FYN: variants seen among roughly 807,000 people sequenced by gnomAD.
FYN encodes the protein tyrosine-protein kinase Fyn.
FYN carries 10 observed loss-of-function variants against 70.2 expected under a neutral mutation model. That is an observed-to-expected ratio of 0.14 (90% CI 0.09 to 0.24). FYN has a LOEUF of 0.24. Among genes scored for constraint, FYN ranks in the 10% least tolerant of loss-of-function variants. FYN has a pLI of 1.00. For missense variants in FYN, 319 were observed against 673.1 expected, an observed-to-expected ratio of 0.47 and a Z score of 5.82; for synonymous variants, 236 against 248.6, an observed-to-expected ratio of 0.95 and a Z score of 0.48.
At chr6:111,863,609 C>T (rs768988929) in intron 1 of FYN, among the ~76,000 whole-genome samples, 10 of 152,140 alleles carry the variant, frequency 6.6e-5, no homozygotes, top group Non-Finnish European at 1.2e-4. Flanking sequence ...CATTAAAGCC[C>T]TACTTTTCAA....
At chr6:111,862,314 C>G (rs527928713) in intron 1 of FYN, among the ~76,000 whole-genome samples, 2 of 152,194 alleles carry the variant, frequency 1.3e-5, no homozygotes, top group South Asian at 4.1e-4. Flanking sequence ...CTCAAGATTA[C>G]AAACAAAAAA....
intron 2 of FYN, among the ~76,000 whole-genome samples, chr6:111,807,965 A>G (rs1013464002): frequency 6.6e-6 from 1 of 151,986 alleles, no homozygotes; most frequent in Non-Finnish European, 1.5e-5. Flanking sequence ...AAAATTAGCC[A>G]GGTGTGGTGG....
chr6:111,781,605 G>C (rs1771176074), intron 2 of FYN, among the ~76,000 whole-genome samples: 1 of 152,052 alleles, frequency 6.6e-6, no homozygotes, highest in South Asian at 2.1e-4. Context: ...ATGCTGTAAC[G>C]CCCAGAGGCC....
chr6:111,853,179 G>A (rs1407677406), intron 1 of FYN, among the ~76,000 whole-genome samples: 8 of 152,144 alleles, frequency 5.3e-5, no homozygotes, highest in Non-Finnish European at 8.8e-5. Context: ...GGTGGGGAGG[G>A]GCTGGAAGAC....
intron 3 of FYN, among the ~76,000 whole-genome samples, chr6:111,764,266 A>T (rs1184221513): frequency 6.6e-6 from 1 of 151,564 alleles, no homozygotes; most frequent in Non-Finnish European, 1.5e-5. Flanking sequence ...GAAAAAAGAA[A>T]AAAGCGATTT....
At chr6:111,794,101 C>T (rs892400046) in intron 2 of FYN, among the ~76,000 whole-genome samples, 3 of 152,230 alleles carry the variant, frequency 2.0e-5, no homozygotes, top group East Asian at 1.9e-4. Flanking sequence ...TGCCACTGAG[C>T]TGCTCTCCTC....
chr6:111,718,523 A>G (rs1023847881), intron 4 of FYN, among the ~76,000 whole-genome samples: 2 of 152,194 alleles, frequency 1.3e-5, no homozygotes, highest in Non-Finnish European at 2.9e-5. Flanking sequence ...GCACTCGTGA[A>G]TGAATGAACA....
chr6:111,735,140 G>C (rs143503298), intron 3 of FYN, among the ~76,000 whole-genome samples: 1 of 152,206 alleles, frequency 6.6e-6, no homozygotes, highest in Admixed American at 6.5e-5. Flanking sequence ...TCAAAGAACC[G>C]TAAGTGTTCT....
At chr6:111,788,999 T>G (rs776618163) in intron 2 of FYN, among the ~76,000 whole-genome samples, 4 of 152,118 alleles carry the variant, frequency 2.6e-5, no homozygotes, top group Non-Finnish European at 4.4e-5. Context: ...AGGTTGTGGT[T>G]GTTGTTTTAT....
chr6:111,668,000 G>A (rs1798086767), intron 13 of FYN, among the ~76,000 whole-genome samples: 1 of 152,322 alleles, frequency 6.6e-6, no homozygotes, highest in East Asian at 1.9e-4. Context: ...CGTTCAAAGG[G>A]AATCACACAA....
chr6:111,796,522 T>C (rs774045287), intron 2 of FYN, among the ~76,000 whole-genome samples: 24 of 152,218 alleles, frequency 1.6e-4, no homozygotes, highest in Admixed American at 1.4e-3. Flanking sequence ...CAAAATCACC[T>C]AATGATGCTT....
At position 111,704,089 on chromosome 6, in the gene FYN, T is replaced by G; in HGVS notation, c.457A>C (p.Lys153Gln). The G allele has an allele frequency of 1.2e-6, 2 of 1,614,052 alleles. No individual in the cohort carries two copies. The highest frequency in any genetic ancestry group is 1.7e-6 in the Non-Finnish European group (2 of 1,179,866). Residue 153 changes from lysine (K) to glutamine (Q), a missense_variant, in exon 7 of 14, where the codon AAA becomes CAA. By Grantham distance (53) the Lys-to-Gln change is moderately conservative. Coordinates refer to ENST00000354650, the MANE Select transcript of FYN (RefSeq NM_002037.5). ...SIQAEEWYFGKLGRKDAERQL... is the reference protein window; with the variant it reads ...SIQAEEWYFGQLGRKDAERQL... ...CGCTCAGCATCTTTTCGGCCAAGTTTTCCAAAGTACCACCTTTAAATTAGA... is the reference window on the plus strand; with the variant it reads ...CGCTCAGCATCTTTTCGGCCAAGTTGTCCAAAGTACCACCTTTAAATTAGA...
At chr6:111,865,631 C>A (rs1774083000) in intron 1 of FYN, among the ~76,000 whole-genome samples, 1 of 152,274 alleles carries the variant, frequency 6.6e-6, no homozygotes, top group South Asian at 2.1e-4. Flanking sequence ...ATTTGCTCAA[C>A]TAGAAACACT....
At chr6:111,686,367 A>G (rs1448688587) in intron 12 of FYN, among the ~76,000 whole-genome samples, 5 of 152,166 alleles carry the variant, frequency 3.3e-5, no homozygotes, top group Non-Finnish European at 7.3e-5. Context: ...CATGCGACTC[A>G]GCTCAGCGGG....
chr6:111,861,748 T>C (rs1773969326), intron 1 of FYN, among the ~76,000 whole-genome samples: 5 of 152,224 alleles, frequency 3.3e-5, no homozygotes. Context: ...CACTGCCTGT[T>C]GTGCTGTTTT....
intron 5 of FYN, among the ~76,000 whole-genome samples, chr6:111,712,734 A>T (rs2128455998): frequency 6.6e-6 from 1 of 152,276 alleles, no homozygotes; most frequent in East Asian, 1.9e-4. Flanking sequence ...GCTGTTTATT[A>T]TTTTTTAAAA....
chr6:111,787,380 G>C (rs1211507884), intron 2 of FYN, among the ~76,000 whole-genome samples: 1 of 152,134 alleles, frequency 6.6e-6, no homozygotes, highest in Non-Finnish European at 1.5e-5. Flanking sequence ...GGTTGTAGAT[G>C]TGTCGTATTA....
chr6:111,710,291 A>G (rs1800307572), intron 5 of FYN, among the ~76,000 whole-genome samples: 2 of 152,356 alleles, frequency 1.3e-5, no homozygotes, highest in Non-Finnish European at 2.9e-5. Flanking sequence ...GAGACTGTCA[A>G]TAGGGGCGGG....
intron 7 of FYN, among the ~76,000 whole-genome samples, 198 bp from the exon 8 acceptor site, chr6:111,703,232 T>C (rs903082939): frequency 5.3e-5 from 8 of 152,190 alleles, no homozygotes; most frequent in African/African-American, 1.9e-4. Context: ...AGCAATAAAA[T>C]GATTCTGCCC....
Sources: allele counts gnomAD v4.1 joint callset (sites outside exome capture counted in the v4.1 genomes callset), GRCh38; gene constraint gnomAD v4.1.1; transcripts MANE v1.5; gene names NCBI Gene and HGNC (gene_info 2026-07-23, HGNC 2026-07-21).